HDLBP: variants seen among roughly 807,000 people sequenced by gnomAD.
HDLBP encodes vigilin.
In HDLBP, 30 loss-of-function variants were observed where a neutral mutation model predicts 137.3. That is an observed-to-expected ratio of 0.22 (90% CI 0.16 to 0.30). The LOEUF (loss-of-function observed/expected upper bound fraction) is 0.30. Ranked by LOEUF, HDLBP falls within the 10% of genes least tolerant of loss-of-function variation. HDLBP has a pLI of 1.00. For synonymous variants in HDLBP, 606 were observed against 596.0 expected, an observed-to-expected ratio of 1.02 and a Z score of -0.24; for missense variants, 1,119 against 1,667.3, an observed-to-expected ratio of 0.67 and a Z score of 5.73.
At chr2:241,301,753 A>G (rs144794647) in intron 1 of HDLBP, among the ~76,000 whole-genome samples, 27 of 151,972 alleles carry the variant, frequency 1.8e-4, no homozygotes, top group African/African-American at 6.3e-4. Flanking sequence ...CCAAAGGGCC[A>G]TCCTTTCCTT....
At position 241,272,868 on chromosome 2, in the gene HDLBP, C is replaced by T. The variant is rs1306638765; in HGVS notation, c.-102-4327G>A. 3 of 346,428 alleles carry T rather than the reference C, an allele frequency of 8.7e-6. No individual in the cohort carries two copies. The highest frequency in any genetic ancestry group is 1.2e-5 in the Non-Finnish European group (3 of 246,168). The allele number at this position is 346,428 out of a possible 1,614,324, so 21.5% of individuals were successfully genotyped here. On this transcript the variant is annotated intron_variant, in intron 1 of 27. Transcript: ENST00000310931. The surrounding 1 kb of genome is among the most constrained non-coding windows in gnomAD (Gnocchi z 5.6). ...CCCGGGCCCCGGCTGCTATATAGGGCGGCGGCCCAATCCCGCCTGGACACG... is the reference window on the plus strand; with the variant it reads ...CCCGGGCCCCGGCTGCTATATAGGGTGGCGGCCCAATCCCGCCTGGACACG...
intron 11 of HDLBP, among the ~76,000 whole-genome samples, chr2:241,251,565 G>C (rs2072174772): frequency 6.6e-6 from 1 of 152,240 alleles, no homozygotes; most frequent in Non-Finnish European, 1.5e-5. Flanking sequence ...TCCAGGAATG[G>C]AGGACGTGCT....
At chr2:241,300,807 G>A (rs2075368385) in intron 1 of HDLBP, among the ~76,000 whole-genome samples, 2 of 152,270 alleles carry the variant, frequency 1.3e-5, no homozygotes, top group South Asian at 4.1e-4. Context: ...AGCTCGTTGT[G>A]CAGACGACAA....
chr2:241,264,159 G>T (rs940956718), intron 4 of HDLBP, among the ~76,000 whole-genome samples: 4 of 151,770 alleles, frequency 2.6e-5, no homozygotes, highest in African/African-American at 4.8e-5. Flanking sequence ...GTCAGGAGAT[G>T]GAGACCATCC....
rs956657546 is a variant in HDLBP at position 241,289,223 on chromosome 2, C to G, written c.-102-20682G>C. Among the ~76,000 whole-genome samples the G allele has an allele frequency of 2.6e-5, 4 of 152,166 alleles. No homozygotes were observed. In the East Asian group the frequency reaches 7.7e-4, roughly 29 times the overall value. On this transcript the variant is annotated intron_variant, in intron 1 of 27. Transcript: ENST00000310931. ...GGAGAGCATGTGGCACTCCAATGTGCGATCTGCTGCTGACACTGCTTGGCA... is the reference window on the plus strand; with the variant it reads ...GGAGAGCATGTGGCACTCCAATGTGGGATCTGCTGCTGACACTGCTTGGCA...
chr2:241,267,742 G>C, intron 2 of HDLBP: 1 of 1,531,468 alleles, frequency 6.5e-7, no homozygotes, highest in Non-Finnish European at 8.7e-7. Flanking sequence ...TCAGTGCTTT[G>C]TAGCAACAGT....
At chr2:241,269,868 C>A (rs1233041220) in intron 1 of HDLBP, among the ~76,000 whole-genome samples, 2 of 152,128 alleles carry the variant, frequency 1.3e-5, no homozygotes, top group Admixed American at 6.5e-5. Context: ...TGCCTCTGGT[C>A]TCCCGCATCC....
At chr2:241,248,220 C>T (rs749144134) in intron 13 of HDLBP, 24 bp downstream of exon 13, 1 of 1,589,104 alleles carries the variant, frequency 6.3e-7, no homozygotes, top group Non-Finnish European at 8.6e-7. Context: ...TATAGAGTTA[C>T]AGAATGTCTC....
intron 1 of HDLBP, among the ~76,000 whole-genome samples, chr2:241,282,174 C>T (rs547371888): frequency 1.3e-4 from 20 of 152,280 alleles, no homozygotes; most frequent in Non-Finnish European, 1.9e-4. Flanking sequence ...ACAGTATTTC[C>T]TAAAGGACTC....
chr2:241,283,717 G>A (rs28839830), intron 1 of HDLBP, among the ~76,000 whole-genome samples: 9,199 of 151,964 alleles, frequency 0.061, 940 homozygotes, highest in African/African-American at 0.21. Context: ...CTCGTGATCC[G>A]CCCACCTCAG....
chr2:241,254,218 T>C (rs1459026404), intron 9 of HDLBP, among the ~76,000 whole-genome samples: 1 of 152,070 alleles, frequency 6.6e-6, no homozygotes, highest in Non-Finnish European at 1.5e-5. Context: ...GAGCTATGAC[T>C]GCGCTACTGC....
intron 1 of HDLBP, among the ~76,000 whole-genome samples, chr2:241,269,757 C>T (rs536320816): frequency 3.9e-5 from 6 of 152,284 alleles, no homozygotes; most frequent in South Asian, 2.1e-4. Context: ...ATTCACAACT[C>T]GGCAAGAGCT....
intron 16 of HDLBP, among the ~76,000 whole-genome samples, chr2:241,243,938 G>A (rs540410885): frequency 2.0e-5 from 3 of 152,220 alleles, no homozygotes; most frequent in African/African-American, 7.2e-5. Flanking sequence ...AAACCACCCA[G>A]AAATGACAGT....
rs1574826963 is a variant in HDLBP at position 241,230,706 on chromosome 2, A to T, written c.3474+53T>A. ...GCCCTGCTCTTTCTTCTGGCCAGCC[A>T]GGTGCCCCCGGTGAGAGAGGATTCT... On this transcript the variant is annotated intron_variant, in intron 25 of 27. Coordinates refer to ENST00000310931, the MANE Select transcript of HDLBP (RefSeq NM_005336.6). This position sits in a 1 kb window ranked among gnomAD's most constrained non-coding sequence, Gnocchi z 5.0. The T allele has an allele frequency of 3.3e-6, 5 of 1,521,330 alleles. No individual in the cohort carries two copies. In the East Asian group the frequency reaches 1.1e-4, roughly 35 times the overall value. 94.2% of individuals were successfully genotyped at this position (1,521,330 alleles called of 1,614,324 possible). A position where few individuals can be genotyped will look rare whatever the true frequency, so the allele number is the denominator to read the frequency against.
Position 241,269,458 on chromosome 2 carries a change from C to T in HDLBP, c.-102-917G>A, listed in dbSNP as rs552173353. 6 of 152,260 alleles carry T rather than the reference C, an allele frequency of 3.9e-5. No homozygotes were observed. The South Asian group carries it at 1.0e-3, about 26-fold the overall frequency. 9.4% of individuals were successfully genotyped at this position (152,260 alleles called of 1,614,324 possible). A position where few individuals can be genotyped will look rare whatever the true frequency, so the allele number is the denominator to read the frequency against. ...TCCAGTAGACTGGATTAAAGGGTCT[C>T]GCCTTTCCAGCAGAGGATGTGGACT... On this transcript the variant is annotated intron_variant, in intron 1 of 27. Coordinates refer to ENST00000310931, the MANE Select transcript of HDLBP (RefSeq NM_005336.6).
At chr2:241,294,616 T>C (rs953633048) in intron 1 of HDLBP, among the ~76,000 whole-genome samples, 1 of 152,134 alleles carries the variant, frequency 6.6e-6, no homozygotes, top group Non-Finnish European at 1.5e-5. Flanking sequence ...GCGTACACCA[T>C]GCCCAACTAA....
chr2:241,299,033 T>C (rs1219005172), intron 1 of HDLBP, among the ~76,000 whole-genome samples: 4 of 152,194 alleles, frequency 2.6e-5, no homozygotes, highest in Non-Finnish European at 4.4e-5. Flanking sequence ...ATGGCTGTAT[T>C]GCGGTTAAGG....
At chr2:241,246,963 TAAGG>T in intron 15 of HDLBP, 80 bp from the exon 16 acceptor site, 1 of 1,578,600 alleles carries the variant, frequency 6.3e-7, no homozygotes, top group Non-Finnish European at 8.7e-7. Flanking sequence ...GGGCTAGAAG[TAAGG>T]AAGAGTCCCT....
chr2:241,275,246 C>T (rs1312874413), intron 1 of HDLBP, among the ~76,000 whole-genome samples: 2 of 151,768 alleles, frequency 1.3e-5, no homozygotes, highest in African/African-American at 4.9e-5. Context: ...CAGATCAGCA[C>T]AAATGGTAGA....
Sources: gnomAD v4.1 joint callset for allele counts (sites outside exome capture counted in the v4.1 genomes callset) on GRCh38, gnomAD v4.1.1 for gene constraint, Gnocchi (gnomAD v3.1) non-coding constraint, MANE v1.5 for transcripts, NCBI Gene and HGNC (gene_info 2026-07-23, HGNC 2026-07-21) for gene names.